The following EXOC4 variants were observed in gnomAD, a reference collection of about 807,000 sequenced individuals.
EXOC4 encodes exocyst complex component 4, also known as SEC8-like 1.
EXOC4 carries 71 observed loss-of-function variants against 107.2 expected under a neutral mutation model. The ratio of observed to expected loss-of-function variants is 0.66; its 90% CI spans 0.55 to 0.81. EXOC4 has a LOEUF of 0.81. Among genes scored for constraint, EXOC4 ranks in the 30% least tolerant of loss-of-function variants. The probability of loss-of-function intolerance (pLI) is 0.00; values close to 1 mark genes in which losing one functional copy is unlikely to be tolerated. For synonymous variants in EXOC4, 456 were observed against 441.2 expected (o/e 1.03, Z -0.42); for missense variants, 1,108 against 1,189.6 (o/e 0.93, Z 1.01).
At chr7:133,636,929 TGTA>T (rs1329681337) in intron 10 of EXOC4, among the ~76,000 whole-genome samples, 2 of 152,194 alleles carry the variant, frequency 1.3e-5, no homozygotes, top group African/African-American at 4.8e-5. Context: ...AACAAGTAGT[TGTA>T]GTCATATCAT....
chr7:134,020,117 A>T (rs937659790), intron 17 of EXOC4, among the ~76,000 whole-genome samples: 2 of 152,204 alleles, frequency 1.3e-5, no homozygotes, highest in Admixed American at 1.3e-4. Context: ...CATTAATCCA[A>T]ATGCATACAC....
At chr7:133,647,216 A>G (rs1803015088) in intron 10 of EXOC4, among the ~76,000 whole-genome samples, 1 of 152,166 alleles carries the variant, frequency 6.6e-6, no homozygotes, top group African/African-American at 2.4e-5. Flanking sequence ...AAGAAAGTAA[A>G]AGTTTTCAAA....
intron 5 of EXOC4, among the ~76,000 whole-genome samples, chr7:133,331,323 C>G (rs1193470548): frequency 6.6e-6 from 1 of 151,948 alleles, no homozygotes; most frequent in East Asian, 1.9e-4. Flanking sequence ...TGTAAAGAAT[C>G]TCTATAAATC....
intron 8 of EXOC4, among the ~76,000 whole-genome samples, chr7:133,477,329 T>C (rs1375254762): frequency 2.0e-5 from 3 of 152,180 alleles, no homozygotes; most frequent in African/African-American, 4.8e-5. Flanking sequence ...CCACCCTCCC[T>C]AACCCCTGGC....
chr7:133,687,842 G>T (rs1794339241), intron 10 of EXOC4, among the ~76,000 whole-genome samples: 1 of 151,874 alleles, frequency 6.6e-6, no homozygotes, highest in South Asian at 2.1e-4. Flanking sequence ...AGCTTAACTA[G>T]CTTTTAAATC....
intron 10 of EXOC4, among the ~76,000 whole-genome samples, chr7:133,746,527 G>A (rs1448177648): frequency 6.6e-6 from 1 of 152,094 alleles, no homozygotes; most frequent in Non-Finnish European, 1.5e-5. Context: ...CTAAGGCTGG[G>A]TTACATGTAA....
In EXOC4 at chr7:133,708,996, A is replaced by G. The variant is rs185292695; in HGVS notation, c.1514+78855A>G. On this transcript the variant is annotated intron_variant, in intron 10 of 17. Transcript: ENST00000253861. ...GCTCATCATTCAGTTGCATTTTTTC[A>G]GAGCAGTTATTTTGGAGTATTAGGC... Among the ~76,000 whole-genome samples, 332 of 152,308 alleles carry G rather than the reference A, an allele frequency of 2.2e-3. 1 individual carries two copies. The highest frequency in any genetic ancestry group is 1.5e-3 in the Non-Finnish European group (105 of 68,026).
At chr7:134,026,317 A>C (rs2116450957) in intron 17 of EXOC4, among the ~76,000 whole-genome samples, 1 of 151,700 alleles carries the variant, frequency 6.6e-6, no homozygotes, top group East Asian at 1.9e-4. Context: ...GGGAAAGGGA[A>C]ATCTCTCTTC....
At chr7:133,929,076 G>T (rs1800117266) in intron 13 of EXOC4, among the ~76,000 whole-genome samples, 1 of 151,866 alleles carries the variant, frequency 6.6e-6, no homozygotes, top group African/African-American at 2.4e-5. Context: ...GGGACTACAG[G>T]CACGCACCGC....
intron 9 of EXOC4, among the ~76,000 whole-genome samples, chr7:133,545,443 AC>A (rs1483242274): frequency 1.3e-5 from 2 of 152,176 alleles, no homozygotes; most frequent in African/African-American, 4.8e-5. Context: ...AAAACTGGAT[AC>A]CTTATAGCTG....
intron 3 of EXOC4, among the ~76,000 whole-genome samples, chr7:133,298,254 G>A (rs1794563043): frequency 6.6e-6 from 1 of 152,136 alleles, no homozygotes; most frequent in Non-Finnish European, 1.5e-5. Flanking sequence ...GTTCACGTTA[G>A]TAAAGAGCTG....
chr7:133,541,750 G>C (rs998347512), intron 9 of EXOC4, among the ~76,000 whole-genome samples: 1 of 151,922 alleles, frequency 6.6e-6, no homozygotes, highest in African/African-American at 2.4e-5. Flanking sequence ...AAGTATATTT[G>C]CATATTAAAG....
intron 9 of EXOC4, among the ~76,000 whole-genome samples, chr7:133,490,511 C>G (rs948873993): frequency 6.6e-6 from 1 of 152,144 alleles, no homozygotes; most frequent in Non-Finnish European, 1.5e-5. Flanking sequence ...AGGCATCAGG[C>G]ACAGTATGGG....
chr7:133,485,079 C>CAAAAAAA (rs1491252321), intron 9 of EXOC4, among the ~76,000 whole-genome samples: 2 of 27,852 alleles, frequency 7.2e-5, no homozygotes, highest in African/African-American at 2.3e-4. Flanking sequence ...GACTCCGTCT[C>CAAAAAAA]AAAAAATAAA....
Position 133,973,660 on chromosome 7 carries a change from T to C in EXOC4, c.2207-23832T>C, listed in dbSNP as rs184254396. Among the ~76,000 whole-genome samples the C allele has an allele frequency of 1.5e-3, 222 of 152,326 alleles. 1 individual carries two copies. Among genetic ancestry groups the C allele is most frequent in the Non-Finnish European group, 2.4e-3 (160 of 68,030 alleles). On this transcript the variant is annotated intron_variant, in intron 14 of 17. Transcript: ENST00000253861. ...TGATCAGATGGTGTTTTGGAATTAT[T>C]TCTCCAGTAAGAATACAGGGTAATG...
intron 14 of EXOC4, among the ~76,000 whole-genome samples, chr7:133,973,965 C>A (rs1447389622): frequency 6.6e-6 from 1 of 152,152 alleles, no homozygotes; most frequent in Non-Finnish European, 1.5e-5. Flanking sequence ...GAAAAAGGGA[C>A]GGGGCCGCAA....
intron 3 of EXOC4, among the ~76,000 whole-genome samples, chr7:133,305,378 T>G (rs1281775781): frequency 1.3e-5 from 2 of 152,176 alleles, no homozygotes; most frequent in Admixed American, 1.3e-4. Context: ...TACCTCTGTG[T>G]GATGTGTATT....
intron 9 of EXOC4, among the ~76,000 whole-genome samples, chr7:133,516,278 AACCAC>A (rs2150904949): frequency 6.6e-6 from 1 of 152,312 alleles, no homozygotes; most frequent in African/African-American, 2.4e-5. Context: ...CAAAGTATAT[AACCAC>A]ACCACAGTCA....
At chr7:133,702,730 A>G (rs191354386) in intron 10 of EXOC4, among the ~76,000 whole-genome samples, 2 of 152,274 alleles carry the variant, frequency 1.3e-5, no homozygotes, top group African/African-American at 4.8e-5. Context: ...GCTTTTAAAA[A>G]TGCTTCCAGC....
Sources: gnomAD v4.1 joint callset for allele counts (sites outside exome capture counted in the v4.1 genomes callset) on GRCh38, gnomAD v4.1.1 for gene constraint, MANE v1.5 for transcripts, NCBI Gene and HGNC (gene_info 2026-07-23, HGNC 2026-07-21) for gene names.